The following DPP4 variants were observed in gnomAD, a reference collection of about 807,000 sequenced individuals.
The protein encoded by DPP4 is ADCP-2.
DPP4 carries 93 observed loss-of-function variants against 122.4 expected under a neutral mutation model. The observed-to-expected ratio is 0.76, with a 90% CI of 0.64 to 0.90. DPP4 has a LOEUF of 0.90. Among genes scored for constraint, DPP4 ranks in the 40% least tolerant of loss-of-function variants. The pLI is 0.00. For synonymous variants in DPP4, 321 were observed against 302.9 expected (o/e 1.06, Z -0.62); for missense variants, 914 against 907.3 (o/e 1.01, Z -0.09).
At chr2:162,059,005 A>T (rs1479250998) in intron 2 of DPP4, among the ~76,000 whole-genome samples, 1 of 152,256 alleles carries the variant, frequency 6.6e-6, no homozygotes, top group Non-Finnish European at 1.5e-5. Flanking sequence ...TATATGTAGC[A>T]GAAAAGTAAA....
At chr2:162,069,884 G>C (rs1370494746) in intron 2 of DPP4, among the ~76,000 whole-genome samples, 1 of 152,092 alleles carries the variant, frequency 6.6e-6, no homozygotes, top group Non-Finnish European at 1.5e-5. Context: ...AGGTATAGAA[G>C]AAATTTACCA....
chr2:162,005,990 G>A (rs896646634), intron 22 of DPP4, among the ~76,000 whole-genome samples, 181 bp from the exon 23 acceptor site: 1 of 152,144 alleles, frequency 6.6e-6, no homozygotes, highest in Admixed American at 6.6e-5. Context: ...CACCTTATGG[G>A]AGGTAATTTT....
At chr2:162,060,651 G>A (rs1471042855) in intron 2 of DPP4, among the ~76,000 whole-genome samples, 1 of 152,010 alleles carries the variant, frequency 6.6e-6, no homozygotes. Flanking sequence ...TACAGCAAAA[G>A]CTACCATAGG....
At chr2:162,035,092 C>T in intron 9 of DPP4, 72 bp downstream of exon 9, 1 of 1,446,874 alleles carries the variant, frequency 6.9e-7, no homozygotes, top group Non-Finnish European at 9.3e-7. Context: ...TTTTCATTAG[C>T]AAGAAGGGAT....
chr2:162,072,083 C>G (rs1001554176), intron 2 of DPP4, among the ~76,000 whole-genome samples: 3 of 152,124 alleles, frequency 2.0e-5, no homozygotes, highest in Admixed American at 2.0e-4. Flanking sequence ...TTTGCATGTT[C>G]CCACTAGCTT....
At chr2:162,012,034 A>T (rs772299817) in intron 19 of DPP4, 47 bp from the exon 20 acceptor site, 5 of 1,565,220 alleles carry the variant, frequency 3.2e-6, no homozygotes, top group Non-Finnish European at 3.5e-6. Context: ...TCTGGAATCA[A>T]ATGAGGAATG....
chr2:162,057,578 C>T (rs774735113), intron 2 of DPP4, among the ~76,000 whole-genome samples: 1 of 152,186 alleles, frequency 6.6e-6, no homozygotes, highest in Non-Finnish European at 1.5e-5. Context: ...TTTGTAATAT[C>T]CAGAACCTGC....
At chr2:162,037,283 G>A (rs1683814049) in intron 8 of DPP4, among the ~76,000 whole-genome samples, 1 of 152,220 alleles carries the variant, frequency 6.6e-6, no homozygotes, top group Admixed American at 6.5e-5. Context: ...GAGGGTCACA[G>A]CTTTGGAAAG....
chr2:162,008,970 A>G (rs1701351121), intron 21 of DPP4, among the ~76,000 whole-genome samples: 2 of 152,012 alleles, frequency 1.3e-5, no homozygotes, highest in African/African-American at 2.4e-5. Flanking sequence ...ACTGATGCAT[A>G]AGAAAAAGTC....
chr2:162,056,745 G>T (rs776163784), intron 2 of DPP4, among the ~76,000 whole-genome samples: 1 of 152,178 alleles, frequency 6.6e-6, no homozygotes, highest in Admixed American at 6.5e-5. Flanking sequence ...AGGACTATAG[G>T]AGGGGCCTGA....
At chr2:162,059,719 T>C (rs1048768709) in intron 2 of DPP4, among the ~76,000 whole-genome samples, 1 of 152,152 alleles carries the variant, frequency 6.6e-6, no homozygotes, top group African/African-American at 2.4e-5. Context: ...ATCCCCGATA[T>C]AAGAAAAAAC....
At chr2:162,033,862 GTATATATATATATATATATATA>G (rs138320647) in intron 9 of DPP4, among the ~76,000 whole-genome samples, 4 of 104,026 alleles carry the variant, frequency 3.8e-5, no homozygotes, top group East Asian at 4.7e-4. Flanking sequence ...CAGAATATGT[GTATATATATATATATATATATA>G]TATATATATA....
At chr2:162,031,507 G>A (rs559709192) in intron 10 of DPP4, among the ~76,000 whole-genome samples, 24 of 152,122 alleles carry the variant, frequency 1.6e-4, no homozygotes, top group African/African-American at 5.8e-4. Context: ...CTCCCTACAG[G>A]CAGATATTGG....
In DPP4 at chr2:162,005,629, T is replaced by C; in HGVS notation, c.2052+116A>G. The C allele has an allele frequency of 1.5e-5, 14 of 915,762 alleles. 1 individual carries two copies. The South Asian group carries it at 2.4e-4, about 16-fold the overall frequency. 56.7% of individuals were successfully genotyped at this position (915,762 alleles called of 1,614,324 possible). On this transcript the variant is annotated intron_variant, in intron 23 of 25. Transcript: ENST00000360534. The stretch of plus-strand genomic sequence containing the variant: ...TCTAAACCACCTGTGTTATTTCTTT[T>C]AACAAGAATTTTGTTGGAAATAAAA...
intron 23 of DPP4, among the ~76,000 whole-genome samples, chr2:162,004,629 TTAAG>T (rs1468130637): frequency 8.5e-5 from 13 of 152,060 alleles, no homozygotes; most frequent in East Asian, 1.9e-4. Flanking sequence ...ACCTTACTCA[TTAAG>T]TAAGCTGAAA....
intron 8 of DPP4, among the ~76,000 whole-genome samples, chr2:162,036,899 A>T (rs1683795520): frequency 1.3e-5 from 2 of 152,152 alleles, no homozygotes; most frequent in South Asian, 2.1e-4. Flanking sequence ...TACTGAGTTG[A>T]CTTCTCATTC....
intron 9 of DPP4, among the ~76,000 whole-genome samples, chr2:162,033,862 G>GTATATA (rs138320647): frequency 0.03 from 3,093 of 103,870 alleles, 82 homozygotes; most frequent in East Asian, 0.095. Context: ...CAGAATATGT[G>GTATATA]TATATATATA....
In DPP4 at chr2:162,073,997, G is replaced by C. The variant is rs756989031; in HGVS notation, c.-16C>G. ...TCACCTTCATCGTCGGCGTCTCCTC[G>C]GAAGTGAGCGTTCAGAGAAGGAGCG... On this transcript the variant is annotated 5_prime_UTR_variant, in exon 1 of 26. Coordinates refer to ENST00000360534, the MANE Select transcript of DPP4 (RefSeq NM_001935.4). 1.2e-6 allele frequency: 2 copies of C among 1,611,324 alleles called. No individual in the cohort carries two copies. The highest frequency in any genetic ancestry group is 1.1e-5 in the South Asian group (1 of 90,524).
intron 20 of DPP4, among the ~76,000 whole-genome samples, chr2:162,010,852 T>A (rs1224495378): frequency 1.3e-5 from 2 of 152,144 alleles, no homozygotes; most frequent in Non-Finnish European, 2.9e-5. Flanking sequence ...CATTCATGGA[T>A]CCTTCTGCAT....
Sources: allele counts gnomAD v4.1 joint callset (sites outside exome capture counted in the v4.1 genomes callset), GRCh38; gene constraint gnomAD v4.1.1; transcripts MANE v1.5; gene names NCBI Gene and HGNC (gene_info 2026-07-23, HGNC 2026-07-21).